COL5A1: variants seen among roughly 807,000 people sequenced by gnomAD.
COL5A1 encodes collagen type V alpha 1 chain, also known as collagen alpha-1(V) chain.
Under a neutral mutation model 263.7 loss-of-function variants are expected in COL5A1, and 16 were observed. The ratio of observed to expected loss-of-function variants is 0.06; its 90% CI spans 0.04 to 0.09. The LOEUF (loss-of-function observed/expected upper bound fraction) is 0.09, where lower values mean the gene tolerates loss of function less well. Among genes scored for constraint, COL5A1 ranks in the 10% least tolerant of loss-of-function variants. The pLI is 1.00. For missense variants in COL5A1, 2,036 were observed against 2,540.5 expected (o/e 0.80, Z 4.27); for synonymous variants, 1,012 against 1,004.5 (o/e 1.01, Z -0.14).
chr9:134,728,908 G>A (rs1425108270), intron 6 of COL5A1, 101 bp downstream of exon 6: 2 of 1,502,950 alleles, frequency 1.3e-6, no homozygotes, highest in Non-Finnish European at 1.8e-6. Context: ...GAGGGTTGGG[G>A]GCTGTCTGGT....
At chr9:134,728,834 G>C (rs1055281268) in intron 6 of COL5A1, 27 bp downstream of exon 6, 2 of 1,613,814 alleles carry the variant, frequency 1.2e-6, no homozygotes, top group East Asian at 4.5e-5. Flanking sequence ...GGACTGGGTT[G>C]GGCTGGGCCC....
At chr9:134,644,768 G>A (rs932049504) in intron 1 of COL5A1, among the ~76,000 whole-genome samples, 5 of 152,180 alleles carry the variant, frequency 3.3e-5, no homozygotes, top group Non-Finnish European at 5.9e-5. Flanking sequence ...AGGAGAGTAT[G>A]GGAAATGAAA....
At chr9:134,786,176 GC>G in intron 31 of COL5A1, 128 bp downstream of exon 31, 2 of 896,958 alleles carry the variant, frequency 2.2e-6, no homozygotes, top group Non-Finnish European at 3.6e-6. Context: ...ATAACTTCTG[GC>G]CATGTTACGT....
At chr9:134,717,570 A>T (rs1333826138) in intron 4 of COL5A1, among the ~76,000 whole-genome samples, 1 of 152,156 alleles carries the variant, frequency 6.6e-6, no homozygotes, top group Non-Finnish European at 1.5e-5. Context: ...TCAGCGTGTT[A>T]ACTCAGCTGG....
rs1294625593 is a variant in COL5A1 at position 134,829,993 on chromosome 9, G to T, written c.5085G>T (p.Trp1695Cys). The T allele has an allele frequency of 1.2e-6, 2 of 1,613,598 alleles. No homozygotes were observed. The highest frequency in any genetic ancestry group is 1.7e-6 in the Non-Finnish European group (2 of 1,179,918). The change falls in exon 64 of 66, where the codon TGG becomes TGT. Residue 1695 changes from tryptophan to cysteine, a missense_variant. Physicochemically the swap from Trp to Cys is radical, Grantham distance 215. Around this residue, in one of 3 missense-constraint regions of COL5A1, gnomAD observed 358 missense variants for 384.6 expected, o/e 0.93. Coordinates refer to ENST00000371817, the MANE Select transcript of COL5A1 (RefSeq NM_000093.5). Reference sequence around the variant, plus strand: ...ATGTTTAGGCCAGAATCACTTCTTGGCCCAAAGAAAACCCGGGCTCCTGGT... The same window carrying T: ...ATGTTTAGGCCAGAATCACTTCTTGTCCCAAAGAAAACCCGGGCTCCTGGT... ...KKSEGARITSWPKENPGSWFS... is the reference protein window; with the variant it reads ...KKSEGARITSCPKENPGSWFS...
intron 63 of COL5A1, among the ~76,000 whole-genome samples, chr9:134,827,362 C>T (rs1168344780): frequency 6.6e-6 from 1 of 151,864 alleles, no homozygotes. Context: ...CAGGGGTCCC[C>T]TCCCCCACCT....
chr9:134,684,011 G>T (rs1048004104), intron 1 of COL5A1, among the ~76,000 whole-genome samples: 3 of 152,338 alleles, frequency 2.0e-5, no homozygotes, highest in African/African-American at 7.2e-5. Flanking sequence ...TCACTCAAGA[G>T]GGTGGCCCCA....
chr9:134,750,398 A>G (rs1034373306), intron 11 of COL5A1, 144 bp from the exon 12 acceptor site: 4 of 758,690 alleles, frequency 5.3e-6, no homozygotes, highest in Admixed American at 4.0e-5. Context: ...TTTCTGAAAC[A>G]TTCCTGCCAC....
chr9:134,818,347 C>T lies in COL5A1; in HGVS notation c.4231-309C>T, dbSNP rs150983463. Among the ~76,000 whole-genome samples, 704 of 152,268 alleles carry T rather than the reference C, an allele frequency of 4.6e-3. 7 individuals carry two copies. Among genetic ancestry groups the T allele is most frequent in the African/African-American group, 0.015 (627 of 41,552 alleles). On this transcript the variant is annotated intron_variant, in intron 54 of 65. Transcript: ENST00000371817. This position sits in a 1 kb window ranked among gnomAD's most constrained non-coding sequence, Gnocchi z 6.0. ...GCACTGTCTGCCTCCCTCCTGGAGG[C>T]GCCTGTTGTTAAGGAGACGGGAGGT...
At position 134,825,799 on chromosome 9, in the gene COL5A1, C is replaced by T. The variant is rs998985081; in HGVS notation, c.4962C>T (p.Tyr1654=). The T allele has an allele frequency of 1.2e-6, 2 of 1,610,636 alleles. No homozygotes were observed. The highest frequency in any genetic ancestry group is 1.3e-5 in the African/African-American group (1 of 74,976). ...CCCGTCTCTGAAATCCAGGTGAATA[C>T]TGGGTCGATCCTAACCAAGGATGCT... ...LCHPDFPDGE[Y]WVDPNQGCSR... is the part of the protein sequence containing the mutation. The change falls in exon 63 of 66, where the codon TAC becomes TAT. Residue 1654 remains tyrosine (Y), a synonymous_variant. Transcript: ENST00000371817.
rs1205450150 is a variant in COL5A1 at position 134,789,543 on chromosome 9, C to T, written c.2700+335C>T. Among the ~76,000 whole-genome samples the T allele has an allele frequency of 6.6e-6, 1 of 152,198 alleles. No individual in the cohort carries two copies. The highest frequency in any genetic ancestry group is 1.5e-5 in the Non-Finnish European group (1 of 68,034). Reference sequence around the variant, plus strand: ...CCTCTACCCAAGTGGGCTTTTCCTCCAAGCTAATTTTAAAAGGAAGGGAAA... The same window carrying T: ...CCTCTACCCAAGTGGGCTTTTCCTCTAAGCTAATTTTAAAAGGAAGGGAAA... On this transcript the variant is annotated intron_variant, in intron 32 of 65. Transcript: ENST00000371817. This position sits in a 1 kb window ranked among gnomAD's most constrained non-coding sequence, Gnocchi z 4.8.
At chr9:134,785,959 C>G (rs779779477) in intron 30 of COL5A1, 36 bp from the exon 31 acceptor site, 2 of 1,580,590 alleles carry the variant, frequency 1.3e-6, no homozygotes, top group African/African-American at 1.3e-5. Flanking sequence ...GGAGCAATAC[C>G]GTGCTGGCCA....
intron 18 of COL5A1, among the ~76,000 whole-genome samples, chr9:134,760,993 A>G (rs111163078): frequency 0.065 from 7,558 of 115,838 alleles, 236 homozygotes; most frequent in African/African-American, 0.14. Flanking sequence ...CGATACACAC[A>G]TACACGTGCA....
At chr9:134,826,199 C>T (rs375791403) in intron 63 of COL5A1, among the ~76,000 whole-genome samples, 4 of 152,202 alleles carry the variant, frequency 2.6e-5, no homozygotes, top group Admixed American at 6.5e-5. Flanking sequence ...AGCTTTTCTC[C>T]GGTGACTCAG....
chr9:134,758,338 G>A lies in COL5A1; in HGVS notation c.1935+42G>A, dbSNP rs1369239078. On this transcript the variant is annotated intron_variant, in intron 18 of 65. Coordinates refer to ENST00000371817, the MANE Select transcript of COL5A1 (RefSeq NM_000093.5). This position sits in a 1 kb window ranked among gnomAD's most constrained non-coding sequence, Gnocchi z 4.1. ...TGAGACACAGGCATGACGATGGGCA[G>A]CAGAGGTGTCTCTCGGGAGGCCCTT... The A allele has an allele frequency of 1.9e-6, 3 of 1,597,426 alleles. No homozygotes were observed. Among genetic ancestry groups the A allele is most frequent in the Middle Eastern group, 3.3e-4 (2 of 6,056 alleles).
intron 63 of COL5A1, among the ~76,000 whole-genome samples, chr9:134,829,446 A>G (rs866610421): frequency 1.1e-5 from 1 of 89,518 alleles, no homozygotes; most frequent in Admixed American, 1.2e-4. Context: ...GGCCAGGCTC[A>G]TCCTCACGCG....
intron 31 of COL5A1, among the ~76,000 whole-genome samples, chr9:134,788,396 G>GTA (rs1188529461): frequency 6.6e-6 from 1 of 151,536 alleles, no homozygotes; most frequent in East Asian, 2.0e-4. Context: ...GAATGGAGGG[G>GTA]TAGGTGGATA....
At chr9:134,831,913 T>G (rs1378109637) in intron 64 of COL5A1, among the ~76,000 whole-genome samples, 2 of 152,156 alleles carry the variant, frequency 1.3e-5, no homozygotes, top group Admixed American at 1.3e-4. Context: ...ACGGCCTTAT[T>G]TCTAGCTCTG....
At chr9:134,804,229 C>T (rs1311775918) in intron 39 of COL5A1, among the ~76,000 whole-genome samples, 1 of 152,158 alleles carries the variant, frequency 6.6e-6, no homozygotes, top group Non-Finnish European at 1.5e-5. Flanking sequence ...AAAGAGAGCT[C>T]TCCGAGCTTG....
Sources: allele counts gnomAD v4.1 joint callset (sites outside exome capture counted in the v4.1 genomes callset), GRCh38; gene constraint gnomAD v4.1.1; regional missense constraint gnomAD v4.1.1; non-coding constraint Gnocchi (gnomAD v3.1); transcripts MANE v1.5; gene names NCBI Gene and HGNC (gene_info 2026-07-23, HGNC 2026-07-21).